CSMD2: variants seen among roughly 807,000 people sequenced by gnomAD.
The protein encoded by CSMD2 is CUB and sushi domain-containing protein 2.
Under a neutral mutation model 398.5 loss-of-function variants are expected in CSMD2, and 130 were observed. The observed-to-expected ratio is 0.33, with a 90% CI of 0.28 to 0.38. The LOEUF (loss-of-function observed/expected upper bound fraction) is 0.38. CSMD2 is among the 10% of genes least tolerant of loss of function. CSMD2 has a pLI of 1.00. For synonymous variants in CSMD2, 1,828 were observed against 1,908.5 expected (o/e 0.96, Z 1.10); for missense variants, 3,829 against 4,764.9 (o/e 0.80, Z 5.78).
chr1:33,643,852 G>A (rs924828298), intron 29 of CSMD2, among the ~76,000 whole-genome samples: 3 of 151,578 alleles, frequency 2.0e-5, no homozygotes, highest in Non-Finnish European at 4.4e-5. Context: ...GGAGATAGTA[G>A]AGGGTGACTA....
chr1:33,553,293 C>T (rs753518193), intron 55 of CSMD2, among the ~76,000 whole-genome samples: 5 of 152,312 alleles, frequency 3.3e-5, no homozygotes, highest in African/African-American at 7.2e-5. Context: ...ATATTTCAAA[C>T]GTTTTCATTA....
intron 3 of CSMD2, among the ~76,000 whole-genome samples, chr1:34,010,383 C>T (rs1210794461): frequency 2.0e-5 from 3 of 152,178 alleles, no homozygotes; most frequent in Non-Finnish European, 2.9e-5. Context: ...CCATCATCTA[C>T]GAGCATTTAA....
chr1:34,005,126 T>G (rs977308182), intron 3 of CSMD2, among the ~76,000 whole-genome samples: 1 of 152,134 alleles, frequency 6.6e-6, no homozygotes, highest in Non-Finnish European at 1.5e-5. Flanking sequence ...GAAAGCTAAT[T>G]AGATACGAGA....
At chr1:34,143,545 T>C (rs1042492751) in intron 1 of CSMD2, among the ~76,000 whole-genome samples, 3 of 152,166 alleles carry the variant, frequency 2.0e-5, no homozygotes, top group African/African-American at 4.8e-5. Flanking sequence ...GCAGGTGATA[T>C]ATTAGAAAGA....
At chr1:33,628,923 T>C (rs1399153760) in intron 32 of CSMD2, among the ~76,000 whole-genome samples, 2 of 151,392 alleles carry the variant, frequency 1.3e-5, no homozygotes, top group Non-Finnish European at 2.9e-5. Context: ...TGGAATAGAG[T>C]GGAATAATTA....
chr1:33,866,749 C>A (rs955658532), intron 5 of CSMD2, among the ~76,000 whole-genome samples: 1 of 152,244 alleles, frequency 6.6e-6, no homozygotes, highest in Admixed American at 6.5e-5. Context: ...TGCTGGCCCT[C>A]CAGCCTGTAC....
chr1:34,100,500 T>C (rs181751988), intron 1 of CSMD2, among the ~76,000 whole-genome samples: 18 of 152,370 alleles, frequency 1.2e-4, no homozygotes, highest in African/African-American at 4.3e-4. Flanking sequence ...ATTTTTTATA[T>C]GAATGTGTAA....
chr1:33,996,552 G>A (rs1417106660), intron 3 of CSMD2, among the ~76,000 whole-genome samples: 2 of 152,186 alleles, frequency 1.3e-5, no homozygotes. Context: ...GGAGACCCAG[G>A]AGCTTGCATG....
intron 44 of CSMD2, chr1:33,600,484 G>A: frequency 1.9e-6 from 1 of 520,518 alleles, no homozygotes; most frequent in Non-Finnish European, 3.4e-6. Context: ...CTCCTTGAGA[G>A]GTCAGCAGAA....
intron 3 of CSMD2, among the ~76,000 whole-genome samples, chr1:34,018,036 TAAA>T (rs72287924): frequency 0.04 from 6,120 of 151,726 alleles, 155 homozygotes; most frequent in East Asian, 0.15. Context: ...AAGAGGAACT[TAAA>T]AAAAAATTCA....
At position 33,790,661 on chromosome 1, in the gene CSMD2, G is replaced by GTCTGTCTATCTA. The variant is rs575317509; in HGVS notation, c.1550+1761_1550+1762insTAGATAGACAGA. On this transcript the variant is annotated intron_variant, in intron 11 of 70. Transcript: ENST00000373381. ...TTATCTATCTATTTGCTGTTTGTCT[G>GTCTGTCTATCTA]TCTATCTATCTATCTATCTATCTAT... is the stretch of plus-strand genomic sequence containing the variant. 3.6e-3 allele frequency among the ~76,000 whole-genome samples: 536 copies of GTCTGTCTATCTA among 149,832 alleles called. 3 individuals are homozygous for GTCTGTCTATCTA. The highest frequency in any genetic ancestry group is 7.9e-3 in the East Asian group (40 of 5,058).
chr1:33,778,374 A>G (rs187654436), intron 12 of CSMD2, among the ~76,000 whole-genome samples: 1 of 152,024 alleles, frequency 6.6e-6, no homozygotes, highest in Non-Finnish European at 1.5e-5. Flanking sequence ...CTGTTCATTC[A>G]ACAAGTATTT....
At chr1:33,727,571 G>A (rs1646577775) in intron 15 of CSMD2, among the ~76,000 whole-genome samples, 1 of 152,188 alleles carries the variant, frequency 6.6e-6, no homozygotes, top group Non-Finnish European at 1.5e-5. Flanking sequence ...GAGAGCAGAA[G>A]TGCTGTACAT....
At chr1:33,762,545 G>C (rs1223982238) in intron 13 of CSMD2, among the ~76,000 whole-genome samples, 1 of 152,218 alleles carries the variant, frequency 6.6e-6, no homozygotes, top group Non-Finnish European at 1.5e-5. Context: ...CTCTTAGCTG[G>C]AATAAGGCCT....
At position 33,543,428 on chromosome 1, in the gene CSMD2, C is replaced by T. The variant is rs566244714; in HGVS notation, c.9101-532G>A. 1.1e-3 allele frequency among the ~76,000 whole-genome samples: 169 copies of T among 152,354 alleles called. 4 individuals are homozygous for T. The South Asian group carries it at 0.033, about 30-fold the overall frequency. ...CAATGAGATATAGTTTAACATATTC[C>T]TCTATCCCCTGTAGTTCCTTCCTGT... is the stretch of plus-strand genomic sequence containing the variant. On this transcript the variant is annotated intron_variant, in intron 57 of 70. Coordinates refer to ENST00000373381, the MANE Select transcript of CSMD2 (RefSeq NM_001281956.2).
At chr1:33,548,514 A>G (rs945196375) in intron 56 of CSMD2, among the ~76,000 whole-genome samples, 2 of 152,190 alleles carry the variant, frequency 1.3e-5, no homozygotes, top group African/African-American at 4.8e-5. Context: ...GTTGTGCAAC[A>G]GTTGGGTCCA....
At chr1:34,080,974 G>GAAAGAAAGAAAGAA (rs869103745) in intron 2 of CSMD2, among the ~76,000 whole-genome samples, 2 of 140,578 alleles carry the variant, frequency 1.4e-5, no homozygotes, top group African/African-American at 2.6e-5. Context: ...AAGAAAGAAA[G>GAAAGAAAGAAAGAA]AAATGCACAG....
In CSMD2 at chr1:33,533,709, C is replaced by T. The variant is rs1655480159; in HGVS notation, c.9991+87G>A. 1 of 843,614 alleles carries T rather than the reference C, an allele frequency of 1.2e-6. No individual in the cohort carries two copies. The highest frequency in any genetic ancestry group is 2.0e-6 in the Non-Finnish European group (1 of 502,016). 52.3% of individuals were successfully genotyped at this position (843,614 alleles called of 1,614,324 possible). A position where few individuals can be genotyped will look rare whatever the true frequency, so the allele number is the denominator to read the frequency against. On this transcript the variant is annotated intron_variant, in intron 63 of 70. Coordinates refer to ENST00000373381, the MANE Select transcript of CSMD2 (RefSeq NM_001281956.2). This position sits in a 1 kb window ranked among gnomAD's most constrained non-coding sequence, Gnocchi z 4.2. ...GTTCGCATGGGGAGTTGTGAACTCC[C>T]TGTCATTCAGAGCATTCAAACATGA...
intron 3 of CSMD2, among the ~76,000 whole-genome samples, chr1:33,994,795 G>A (rs1646673801): frequency 6.6e-6 from 1 of 152,118 alleles, no homozygotes; most frequent in African/African-American, 2.4e-5. Context: ...ACCGGGCACG[G>A]TGGCTCATGT....
Sources: allele counts gnomAD v4.1 joint callset (sites outside exome capture counted in the v4.1 genomes callset), GRCh38; gene constraint gnomAD v4.1.1; non-coding constraint Gnocchi (gnomAD v3.1); transcripts MANE v1.5; gene names NCBI Gene and HGNC (gene_info 2026-07-23, HGNC 2026-07-21).